The following MFAP3L variants were observed in gnomAD, a reference collection of about 807,000 sequenced individuals.
MFAP3L encodes the protein microfibrillar-associated protein 3-like.
A neutral mutation model predicts 20.0 loss-of-function variants in MFAP3L; 5 were observed. That is an observed-to-expected ratio of 0.25 (90% CI 0.13 to 0.53). The LOEUF is 0.53. Among genes scored for constraint, MFAP3L ranks in the 20% least tolerant of loss-of-function variants. The pLI is 0.96. For synonymous variants in MFAP3L, 219 were observed against 213.0 expected (o/e 1.03, Z -0.25); for missense variants, 409 against 527.5 (o/e 0.78, Z 2.20).
chr4:170,009,530 T>G (rs1739247875), intron 1 of MFAP3L, among the ~76,000 whole-genome samples: 1 of 152,118 alleles, frequency 6.6e-6, no homozygotes, highest in South Asian at 2.1e-4. Flanking sequence ...ATCCAGCAGC[T>G]TAAAATGCAG....
At chr4:170,001,621 G>C (rs900269965) in intron 2 of MFAP3L, among the ~76,000 whole-genome samples, 2 of 152,186 alleles carry the variant, frequency 1.3e-5, no homozygotes, top group African/African-American at 4.8e-5. Flanking sequence ...AAACACATTG[G>C]ATAATTAGTG....
intron 2 of MFAP3L, chr4:169,997,862 C>T (rs993228264): frequency 5.3e-6 from 5 of 945,692 alleles, no homozygotes; most frequent in Non-Finnish European, 6.3e-6. Flanking sequence ...CCATGCACTG[C>T]AGGTAGTTGT....
At chr4:170,009,252 G>A (rs1021520274) in intron 1 of MFAP3L, among the ~76,000 whole-genome samples, 3 of 151,958 alleles carry the variant, frequency 2.0e-5, no homozygotes, top group Non-Finnish European at 2.9e-5. Context: ...GCGTGGTGGT[G>A]TGCTCCTGTA....
chr4:170,009,995 GTTACCCC>G (rs143828408), intron 1 of MFAP3L, among the ~76,000 whole-genome samples: 2,007 of 152,294 alleles, frequency 0.013, 43 homozygotes, highest in African/African-American at 0.046. Flanking sequence ...CCTACTGAGA[GTTACCCC>G]TATTTTAATT....
At chr4:170,002,172 C>T (rs976041789) in intron 2 of MFAP3L, 80 of 985,276 alleles carry the variant, frequency 8.1e-5, no homozygotes, top group Non-Finnish European at 9.6e-5. Context: ...TCTAGTTCTT[C>T]TCATATTCAC....
chr4:170,012,139 T>C (rs1015461504), intron 1 of MFAP3L, among the ~76,000 whole-genome samples: 2 of 152,180 alleles, frequency 1.3e-5, no homozygotes, highest in African/African-American at 4.8e-5. Flanking sequence ...GATCCTCATA[T>C]GGCTGCGATG....
intron 2 of MFAP3L, chr4:169,994,548 C>T (rs369042044): frequency 3.5e-5 from 34 of 974,834 alleles, no homozygotes; most frequent in East Asian, 1.1e-4. Flanking sequence ...TGTTTCTGAA[C>T]GTGAACTTTG....
At chr4:170,002,088 T>C (rs564481450) in intron 2 of MFAP3L, 51 of 985,096 alleles carry the variant, frequency 5.2e-5, no homozygotes, top group South Asian at 4.7e-5. Flanking sequence ...GTGCATGCCA[T>C]GTACACACAC....
chr4:169,999,724 G>T (rs889087788), intron 2 of MFAP3L, among the ~76,000 whole-genome samples: 3 of 152,170 alleles, frequency 2.0e-5, no homozygotes, highest in Admixed American at 2.0e-4. Flanking sequence ...ACACACAAAT[G>T]GCGGTTACCA....
intron 2 of MFAP3L, chr4:170,002,059 TG>T (rs1181471940): frequency 1.0e-6 from 1 of 985,368 alleles, no homozygotes; most frequent in Non-Finnish European, 1.2e-6. Flanking sequence ...CGATGATTTT[TG>T]AACGCCTTTT....
Position 169,992,323 on chromosome 4 carries a change from G to C in MFAP3L, c.299-14C>G. 6.3e-7 allele frequency: 1 copy of C among 1,592,552 alleles called. No individual in the cohort carries two copies. The highest frequency in any genetic ancestry group is 8.6e-7 in the Non-Finnish European group (1 of 1,167,894). ...TTTGCCATTTTCCTGTCGGAAGGGA[G>C]AGAAGAGAATTCAACCAAGGACACA... is the stretch of plus-strand genomic sequence containing the variant. On this transcript the variant is annotated splice_polypyrimidine_tract_variant and intron_variant, in intron 2 of 2. Transcript: ENST00000361618. This position sits in a 1 kb window ranked among gnomAD's most constrained non-coding sequence, Gnocchi z 4.3.
intron 1 of MFAP3L, among the ~76,000 whole-genome samples, chr4:170,012,518 C>T (rs905070301): frequency 1.3e-5 from 2 of 152,166 alleles, no homozygotes; most frequent in African/African-American, 2.4e-5. Flanking sequence ...AGTACACGGT[C>T]GCTCCTGCCT....
intron 1 of MFAP3L, among the ~76,000 whole-genome samples, chr4:170,015,264 G>A (rs1349997423): frequency 1.3e-5 from 2 of 152,112 alleles, no homozygotes; most frequent in African/African-American, 4.8e-5. Context: ...TGATCTCTCC[G>A]AGCTTCAGAC....
At chr4:170,003,204 T>C (rs1201167737) in intron 2 of MFAP3L, among the ~76,000 whole-genome samples, 1 of 152,156 alleles carries the variant, frequency 6.6e-6, no homozygotes, top group East Asian at 1.9e-4. Context: ...AACTTGAAAG[T>C]TTTAAAGAGA....
intron 2 of MFAP3L, among the ~76,000 whole-genome samples, chr4:170,004,185 G>C (rs1031886949): frequency 8.5e-5 from 13 of 152,142 alleles, no homozygotes; most frequent in African/African-American, 3.1e-4. Context: ...TCAAACTCTG[G>C]ATCTCAGGTG....
At chr4:170,002,849 A>AC (rs1560977011) in intron 2 of MFAP3L, among the ~76,000 whole-genome samples, 2 of 151,854 alleles carry the variant, frequency 1.3e-5, no homozygotes, top group African/African-American at 4.8e-5. Context: ...TTATTTAAAA[A>AC]AAAAAACAAA....
In MFAP3L at chr4:170,006,410, G is replaced by A. The variant is rs151061232; in HGVS notation, c.-133-400C>T. Among the ~76,000 whole-genome samples the A allele has an allele frequency of 4.8e-3, 727 of 152,250 alleles. 7 individuals carry two copies. The highest frequency in any genetic ancestry group is 0.016 in the African/African-American group (682 of 41,550). On this transcript the variant is annotated intron_variant, in intron 1 of 2. Coordinates refer to ENST00000361618, the MANE Select transcript of MFAP3L (RefSeq NM_021647.8). Reference sequence around the variant, plus strand: ...TTACAGGCGTGAGCCACCGCACCCGGCCAAACCTACATACTTTTTAAACAA... The same window carrying A: ...TTACAGGCGTGAGCCACCGCACCCGACCAAACCTACATACTTTTTAAACAA...
chr4:170,007,235 C>G (rs893910792), intron 1 of MFAP3L, among the ~76,000 whole-genome samples: 6 of 152,094 alleles, frequency 3.9e-5, no homozygotes, highest in East Asian at 1.9e-4. Flanking sequence ...CCTAGGAAGC[C>G]AACACATTAC....
chr4:170,010,554 G>A (rs1254378500), intron 1 of MFAP3L, among the ~76,000 whole-genome samples: 1 of 152,120 alleles, frequency 6.6e-6, no homozygotes, highest in Admixed American at 6.5e-5. Context: ...AAGATGGCGA[G>A]GCTGAAGACA....
Sources: allele counts gnomAD v4.1 joint callset (sites outside exome capture counted in the v4.1 genomes callset), GRCh38; gene constraint gnomAD v4.1.1; non-coding constraint Gnocchi (gnomAD v3.1); transcripts MANE v1.5; gene names NCBI Gene and HGNC (gene_info 2026-07-23, HGNC 2026-07-21).